Variants in KATNIP observed in about 807,000 individuals in gnomAD.
KATNIP encodes katanin-interacting protein.
KATNIP carries 126 observed loss-of-function variants against 174.0 expected under a neutral mutation model. The ratio of observed to expected loss-of-function variants is 0.72; its 90% CI spans 0.63 to 0.84. KATNIP has a LOEUF of 0.84. Among genes scored for constraint, KATNIP ranks in the 40% least tolerant of loss-of-function variants. The probability of loss-of-function intolerance (pLI) is 0.00; values close to 1 mark genes in which losing one functional copy is unlikely to be tolerated. For synonymous variants in KATNIP, 810 were observed against 835.7 expected (o/e 0.97, Z 0.53); for missense variants, 1,958 against 2,109.7 (o/e 0.93, Z 1.41).
intron 13 of KATNIP, among the ~76,000 whole-genome samples, chr16:27,712,648 C>T (rs1048389554): frequency 6.6e-6 from 1 of 152,114 alleles, no homozygotes; most frequent in Non-Finnish European, 1.5e-5. Context: ...CTTCTGTGCC[C>T]GCACCATGTC....
At chr16:27,620,517 G>A (rs984388278) in intron 3 of KATNIP, among the ~76,000 whole-genome samples, 2 of 152,092 alleles carry the variant, frequency 1.3e-5, no homozygotes, top group Non-Finnish European at 2.9e-5. Context: ...TGGACTCTAC[G>A]TTTTGCTTGA....
intron 14 of KATNIP, among the ~76,000 whole-genome samples, chr16:27,731,943 G>A (rs980869159): frequency 6.6e-6 from 1 of 152,076 alleles, no homozygotes; most frequent in Non-Finnish European, 1.5e-5. Context: ...TCTATAGAGC[G>A]ACCGTTGTCA....
intron 2 of KATNIP, among the ~76,000 whole-genome samples, chr16:27,609,552 G>A (rs903751242): frequency 3.5e-4 from 52 of 149,136 alleles, no homozygotes; most frequent in South Asian, 1.7e-3. Flanking sequence ...CACCATGCCC[G>A]GCTAATTTTT....
At chr16:27,626,374 A>G (rs1338244013) in intron 3 of KATNIP, among the ~76,000 whole-genome samples, 2 of 152,170 alleles carry the variant, frequency 1.3e-5, no homozygotes, top group Non-Finnish European at 2.9e-5. Context: ...CTTAGGAACA[A>G]TTTGCCGGAA....
intron 2 of KATNIP, among the ~76,000 whole-genome samples, chr16:27,577,574 C>G (rs902051049): frequency 1.3e-5 from 2 of 152,150 alleles, no homozygotes; most frequent in African/African-American, 4.8e-5. Context: ...TGCCTGTAAT[C>G]CCAGCTACTC....
chr16:27,643,590 C>CAAAA lies in KATNIP; in HGVS notation c.409-4990_409-4987dup, dbSNP rs562253355. ...TGGGTAACAGAGTGAGACTCTGTCT[C>CAAAA]AAAAAAAAAAAAAAAAAAAAAAAAA... On this transcript the variant is annotated intron_variant, in intron 5 of 27. Transcript: ENST00000261588. Among the ~76,000 whole-genome samples the CAAAA allele has an allele frequency of 3.5e-3, 143 of 40,454 alleles. 22 individuals carry two copies. The highest frequency in any genetic ancestry group is 9.8e-3 in the East Asian group (10 of 1,016). The allele number at this position is 40,454 out of a possible 152,430, so 26.5% of individuals were successfully genotyped here. A position where few individuals can be genotyped will look rare whatever the true frequency, so the allele number is the denominator to read the frequency against.
intron 1 of KATNIP, among the ~76,000 whole-genome samples, chr16:27,550,385 G>C (rs2141485557): frequency 6.6e-6 from 1 of 152,290 alleles, no homozygotes; most frequent in East Asian, 1.9e-4. Context: ...CATTCTGCTC[G>C]GCTGTGGTCG....
chr16:27,687,910 C>A (rs1238017797), intron 8 of KATNIP, among the ~76,000 whole-genome samples: 1 of 152,168 alleles, frequency 6.6e-6, no homozygotes, highest in Non-Finnish European at 1.5e-5. Flanking sequence ...TATTAGCCAG[C>A]GTTCATTAAC....
chr16:27,559,650 T>C (rs185206536), intron 1 of KATNIP, among the ~76,000 whole-genome samples: 38 of 144,354 alleles, frequency 2.6e-4, no homozygotes, highest in African/African-American at 9.1e-4. Context: ...CACTGCACTC[T>C]AGCCTGGGCA....
At chr16:27,695,166 C>T (rs138436383) in intron 8 of KATNIP, among the ~76,000 whole-genome samples, 2 of 152,338 alleles carry the variant, frequency 1.3e-5, no homozygotes, top group African/African-American at 4.8e-5. Context: ...CTCCTGTCTC[C>T]TGGACAACTA....
chr16:27,683,976 C>T (rs1162314997), intron 8 of KATNIP, among the ~76,000 whole-genome samples: 2 of 152,180 alleles, frequency 1.3e-5, no homozygotes, highest in Non-Finnish European at 2.9e-5. Flanking sequence ...CCTAGTAGGG[C>T]AGGAGTGGCA....
At chr16:27,563,821 G>C (rs1347690060) in intron 1 of KATNIP, among the ~76,000 whole-genome samples, 3 of 150,410 alleles carry the variant, frequency 2.0e-5, no homozygotes. Context: ...AGCTGAGATG[G>C]GTAGAATTGC....
At chr16:27,701,145 T>G (rs1252202087) in intron 10 of KATNIP, among the ~76,000 whole-genome samples, 1 of 151,982 alleles carries the variant, frequency 6.6e-6, no homozygotes, top group Non-Finnish European at 1.5e-5. Context: ...GTTGAGATGG[T>G]GAGAGGATTT....
At chr16:27,742,820 A>C (rs1395911519) in intron 15 of KATNIP, among the ~76,000 whole-genome samples, 1 of 150,526 alleles carries the variant, frequency 6.6e-6, no homozygotes, top group Non-Finnish European at 1.5e-5. Context: ...CAAGGCATGC[A>C]TTTTTTTTTC....
chr16:27,653,925 C>G (rs751246288), intron 6 of KATNIP, among the ~76,000 whole-genome samples: 5 of 152,104 alleles, frequency 3.3e-5, no homozygotes, highest in South Asian at 2.1e-4. Flanking sequence ...CTGCCTCAGC[C>G]TCCCAAATTT....
At chr16:27,648,484 C>T (rs2077025766) in intron 5 of KATNIP, 120 bp from the exon 6 acceptor site, 5 of 1,206,424 alleles carry the variant, frequency 4.1e-6, no homozygotes, top group Non-Finnish European at 5.9e-6. Flanking sequence ...TGCAGGCACA[C>T]CACCCCATGG....
rs560931054 is a variant in KATNIP, at chr16:27,704,315, C to T, written c.1389+317C>T. On this transcript the variant is annotated intron_variant, in intron 12 of 27. Coordinates refer to ENST00000261588, the MANE Select transcript of KATNIP (RefSeq NM_015202.5). ...TGCAAATTACAGCAACCTAAATGTC[C>T]CATTTGAGCTCTGAATTGACAAATT... is the stretch of plus-strand genomic sequence containing the variant. 2.6e-5 allele frequency among the ~76,000 whole-genome samples: 4 copies of T among 152,276 alleles called. No homozygotes were observed. In the East Asian group the frequency reaches 7.7e-4, roughly 29 times the overall value.
Position 27,630,379 on chromosome 16 carries a change from C to A in KATNIP, c.311-686C>A, listed in dbSNP as rs2076449310. Among the ~76,000 whole-genome samples the A allele has an allele frequency of 1.3e-5, 2 of 152,218 alleles. 1 individual carries two copies. Among genetic ancestry groups the A allele is most frequent in the African/African-American group, 4.8e-5 (2 of 41,452 alleles). On this transcript the variant is annotated intron_variant, in intron 4 of 27. Coordinates refer to ENST00000261588, the MANE Select transcript of KATNIP (RefSeq NM_015202.5). Reference sequence around the variant, plus strand: ...TTATTCTAATCTATGGCCTCACAGACATGGTAAGATCCCAAGCCATTAATA... The same window carrying A: ...TTATTCTAATCTATGGCCTCACAGAAATGGTAAGATCCCAAGCCATTAATA...
chr16:27,764,284 C>T (rs571206638), intron 19 of KATNIP, among the ~76,000 whole-genome samples: 64 of 152,252 alleles, frequency 4.2e-4, no homozygotes, highest in African/African-American at 1.5e-3. Context: ...TCGTCTAAAA[C>T]GTGTGTTTCT....
Sources: gnomAD v4.1 joint callset for allele counts (sites outside exome capture counted in the v4.1 genomes callset) on GRCh38, gnomAD v4.1.1 for gene constraint, MANE v1.5 for transcripts, NCBI Gene and HGNC (gene_info 2026-07-23, HGNC 2026-07-21) for gene names.